Variants in CCDC85C observed in about 807,000 individuals in gnomAD.
CCDC85C encodes coiled-coil domain-containing protein 85C.
Under a neutral mutation model 38.3 loss-of-function variants are expected in CCDC85C, and 18 were observed. That is an observed-to-expected ratio of 0.47 (90% CI 0.33 to 0.70). The LOEUF (loss-of-function observed/expected upper bound fraction) is 0.70. CCDC85C is among the 30% of genes least tolerant of loss of function. CCDC85C has a pLI of 0.03. For missense variants in CCDC85C, 566 were observed against 621.2 expected, an observed-to-expected ratio of 0.91 and a Z score of 0.94; for synonymous variants, 264 against 293.8, an observed-to-expected ratio of 0.90 and a Z score of 1.04.
chr14:99,566,859 G>A (rs1898224750), intron 1 of CCDC85C, among the ~76,000 whole-genome samples: 1 of 152,032 alleles, frequency 6.6e-6, no homozygotes. Context: ...TCACTGTCCT[G>A]CACCCTCTAC....
chr14:99,525,842 C>CACA (rs1897375125), intron 2 of CCDC85C, among the ~76,000 whole-genome samples: 2 of 152,298 alleles, frequency 1.3e-5, no homozygotes, highest in East Asian at 3.9e-4. Context: ...GACTCTGGAC[C>CACA]GGTGTCTCAG....
chr14:99,583,935 C>T (rs1017039508), intron 1 of CCDC85C, among the ~76,000 whole-genome samples: 18 of 151,954 alleles, frequency 1.2e-4, no homozygotes, highest in Non-Finnish European at 2.4e-4. Context: ...GGTTTGCAGT[C>T]GAGGCTGTGC....
intron 1 of CCDC85C, among the ~76,000 whole-genome samples, chr14:99,590,128 T>G (rs1007719780): frequency 1.1e-4 from 17 of 151,860 alleles, no homozygotes; most frequent in Admixed American, 2.0e-4. Flanking sequence ...GGGATTAGAG[T>G]CTCTGCAGAT....
At chr14:99,522,095 A>G (rs1204773539) in intron 3 of CCDC85C, 38 bp downstream of exon 3, 1 of 1,493,442 alleles carries the variant, frequency 6.7e-7, no homozygotes, top group South Asian at 1.2e-5. Flanking sequence ...TCAGCCCCTC[A>G]TCCAGAACAT....
At position 99,572,031 on chromosome 14, in the gene CCDC85C, C is replaced by T. The variant is rs1294120381; in HGVS notation, c.793+31136G>A. Among the ~76,000 whole-genome samples the T allele has an allele frequency of 1.3e-5, 2 of 152,200 alleles. No homozygotes were observed. Among genetic ancestry groups the T allele is most frequent in the Non-Finnish European group, 2.9e-5 (2 of 68,030 alleles). ...CTGGAGACTGCCTGCAGCAGGCACC[C>T]TTCCACGGGGCATCTCAGAGCGTGA... On this transcript the variant is annotated intron_variant, in intron 1 of 5. Transcript: ENST00000380243. This position sits in a 1 kb window ranked among gnomAD's most constrained non-coding sequence, Gnocchi z 4.4.
rs1897287445 is a variant in CCDC85C at position 99,520,448 on chromosome 14, C to G, written c.975+1685G>C. Among the ~76,000 whole-genome samples the G allele has an allele frequency of 3.5e-5, 1 of 28,704 alleles. No individual in the cohort carries two copies. The highest frequency in any genetic ancestry group is 5.4e-5 in the African/African-American group (1 of 18,394). The allele number at this position is 28,704 out of a possible 152,430, so 18.8% of individuals were successfully genotyped here. On this transcript the variant is annotated intron_variant, in intron 3 of 5. Coordinates refer to ENST00000380243, the MANE Select transcript of CCDC85C (RefSeq NM_001144995.2). The surrounding 1 kb of genome is among the most constrained non-coding windows in gnomAD (Gnocchi z 4.1). ...CGCCGACCAGCCCCGATCACGGCCC[C>G]TGCACCTCAGTTCATCCCATTCCTG...
intron 2 of CCDC85C, among the ~76,000 whole-genome samples, chr14:99,524,507 T>C (rs894156650): frequency 1.4e-4 from 22 of 152,106 alleles, no homozygotes; most frequent in Non-Finnish European, 3.1e-4. Context: ...TGCACGCAAT[T>C]CCCACCCTTG....
At chr14:99,541,292 A>ACAGCACC (rs1381401242) in intron 1 of CCDC85C, among the ~76,000 whole-genome samples, 1 of 152,198 alleles carries the variant, frequency 6.6e-6, no homozygotes, top group Non-Finnish European at 1.5e-5. Flanking sequence ...TGCATGTGAC[A>ACAGCACC]CAGCACCCCG....
At chr14:99,531,038 CACCTTCATCCAG>C (rs1897482462) in intron 2 of CCDC85C, among the ~76,000 whole-genome samples, 1 of 152,218 alleles carries the variant, frequency 6.6e-6, no homozygotes, top group Admixed American at 6.5e-5. Flanking sequence ...TCAGGAAATC[CACCTTCATCCAG>C]ACCTCAGTTT....
rs1342163265 is a variant in CCDC85C at position 99,516,599 on chromosome 14, G to A, written c.1072-313C>T. ...GCCCGCTGGAGATGAGTGGGCACTCGCCACGTGGAGGGGGTGTGAGTAGGC... is the reference window on the plus strand; with the variant it reads ...GCCCGCTGGAGATGAGTGGGCACTCACCACGTGGAGGGGGTGTGAGTAGGC... On this transcript the variant is annotated intron_variant, in intron 4 of 5. Coordinates refer to ENST00000380243, the MANE Select transcript of CCDC85C (RefSeq NM_001144995.2). The surrounding 1 kb of genome is among the most constrained non-coding windows in gnomAD (Gnocchi z 5.5). Among the ~76,000 whole-genome samples, 1 of 152,092 alleles carries A rather than the reference G, an allele frequency of 6.6e-6. No individual in the cohort carries two copies. Among genetic ancestry groups the A allele is most frequent in the Non-Finnish European group, 1.5e-5 (1 of 68,010 alleles).
intron 1 of CCDC85C, among the ~76,000 whole-genome samples, chr14:99,571,463 G>A (rs1029509409): frequency 1.2e-4 from 19 of 152,186 alleles, no homozygotes; most frequent in Non-Finnish European, 2.1e-4. Context: ...CAGCCGTGCC[G>A]TTCTGTAGGC....
chr14:99,598,097 C>T (rs2055162096), intron 1 of CCDC85C, among the ~76,000 whole-genome samples: 1 of 152,204 alleles, frequency 6.6e-6, no homozygotes, highest in Admixed American at 6.5e-5. Flanking sequence ...ATGCGGGGTG[C>T]CGAGCGCTGC....
chr14:99,551,524 CG>C (rs1398825851), intron 1 of CCDC85C, among the ~76,000 whole-genome samples: 1 of 137,288 alleles, frequency 7.3e-6, no homozygotes, highest in Non-Finnish European at 1.6e-5. Context: ...CAGGTGAGTA[CG>C]TGAGTGTGCA....
intron 1 of CCDC85C, among the ~76,000 whole-genome samples, chr14:99,550,229 G>A (rs1897882117): frequency 6.6e-6 from 1 of 152,200 alleles, no homozygotes; most frequent in African/African-American, 2.4e-5. Context: ...TCAAAATTAG[G>A]AGGAGATTAG....
intron 1 of CCDC85C, among the ~76,000 whole-genome samples, chr14:99,592,938 G>T (rs1013451640): frequency 6.6e-6 from 1 of 152,252 alleles, no homozygotes; most frequent in African/African-American, 2.4e-5. Flanking sequence ...GGTGCCGAAA[G>T]AGGGAGAAAC....
intron 2 of CCDC85C, among the ~76,000 whole-genome samples, chr14:99,529,178 C>T (rs1897446581): frequency 6.6e-6 from 1 of 152,146 alleles, no homozygotes; most frequent in Admixed American, 6.5e-5. Flanking sequence ...GTCCCCATGT[C>T]ATTTCACACC....
At chr14:99,539,328 G>T (rs1460040222) in intron 1 of CCDC85C, among the ~76,000 whole-genome samples, 1 of 151,928 alleles carries the variant, frequency 6.6e-6, no homozygotes, top group South Asian at 2.1e-4. Flanking sequence ...AAATTAGCTG[G>T]GCGTGATGGC....
At chr14:99,551,504 G>T (rs1897905928) in intron 1 of CCDC85C, among the ~76,000 whole-genome samples, 1 of 151,830 alleles carries the variant, frequency 6.6e-6, no homozygotes, top group African/African-American at 2.4e-5. Flanking sequence ...GCAGTGTGCA[G>T]GTGGGTGTGC....
At chr14:99,546,740 G>C (rs750584334) in intron 1 of CCDC85C, among the ~76,000 whole-genome samples, 1 of 152,074 alleles carries the variant, frequency 6.6e-6, no homozygotes, top group East Asian at 1.9e-4. Flanking sequence ...CGGTGCCGGC[G>C]GGGAAAGAAC....
Sources: allele counts gnomAD v4.1 joint callset (sites outside exome capture counted in the v4.1 genomes callset), GRCh38; gene constraint gnomAD v4.1.1; non-coding constraint Gnocchi (gnomAD v3.1); transcripts MANE v1.5; gene names NCBI Gene and HGNC (gene_info 2026-07-23, HGNC 2026-07-21).